Variants in FMN2 observed in about 807,000 individuals in gnomAD.
FMN2 encodes formin-2.
Under a neutral mutation model 142.3 loss-of-function variants are expected in FMN2, and 51 were observed. The ratio of observed to expected loss-of-function variants is 0.36; its 90% CI spans 0.29 to 0.45. The LOEUF (loss-of-function observed/expected upper bound fraction) is 0.45, where lower values mean the gene tolerates loss of function less well. FMN2 is among the 20% of genes least tolerant of loss of function. FMN2 has a pLI of 1.00. For synonymous variants in FMN2, 882 were observed against 869.8 expected (o/e 1.01, Z -0.25); for missense variants, 1,936 against 2,122.8 (o/e 0.91, Z 1.73).
intron 2 of FMN2, among the ~76,000 whole-genome samples, chr1:240,136,282 G>A (rs927605489): frequency 2.0e-5 from 3 of 152,082 alleles, no homozygotes; most frequent in Non-Finnish European, 2.9e-5. Flanking sequence ...GTGCATCGTT[G>A]CAAAAGTAGT....
chr1:240,290,582 G>A (rs955293778), intron 7 of FMN2, among the ~76,000 whole-genome samples: 11 of 151,962 alleles, frequency 7.2e-5, no homozygotes, highest in Non-Finnish European at 1.0e-4. Flanking sequence ...CACATGATAA[G>A]CATATGCTAT....
intron 6 of FMN2, among the ~76,000 whole-genome samples, chr1:240,212,148 T>G (rs2103404547): frequency 6.6e-6 from 1 of 152,320 alleles, no homozygotes; most frequent in Non-Finnish European, 1.5e-5. Flanking sequence ...GAGTTCCAGC[T>G]AATGGGGTGA....
intron 6 of FMN2, among the ~76,000 whole-genome samples, chr1:240,254,706 AGG>A (rs1668394358): frequency 1.6e-4 from 24 of 152,138 alleles, no homozygotes; most frequent in Admixed American, 1.2e-3. Context: ...CGGCTGCAAG[AGG>A]GGTGCCCCAT....
At chr1:240,350,882 G>A (rs1672075118) in intron 13 of FMN2, among the ~76,000 whole-genome samples, 1 of 152,194 alleles carries the variant, frequency 6.6e-6, no homozygotes, top group East Asian at 1.9e-4. Flanking sequence ...GGGAAGGGTT[G>A]GAGAAATGTG....
chr1:240,469,068 T>C (rs1355454176), intron 16 of FMN2, among the ~76,000 whole-genome samples: 2 of 152,008 alleles, frequency 1.3e-5, no homozygotes, highest in Non-Finnish European at 2.9e-5. Flanking sequence ...GTTGATGTGG[T>C]TTGGGTTTGC....
chr1:240,130,247 G>A (rs1346264388), intron 2 of FMN2, among the ~76,000 whole-genome samples: 1 of 152,138 alleles, frequency 6.6e-6, no homozygotes, highest in Non-Finnish European at 1.5e-5. Context: ...CAACCCCCAG[G>A]CCACTCAAAC....
intron 14 of FMN2, among the ~76,000 whole-genome samples, chr1:240,364,968 A>G (rs1159980215): frequency 6.6e-6 from 1 of 152,208 alleles, no homozygotes; most frequent in Non-Finnish European, 1.5e-5. Flanking sequence ...TCATTTCTCT[A>G]TGAATGAGTG....
intron 6 of FMN2, among the ~76,000 whole-genome samples, chr1:240,216,127 A>G (rs185450986): frequency 1.3e-5 from 2 of 152,346 alleles, no homozygotes; most frequent in East Asian, 3.9e-4. Context: ...CGTAAGCAGT[A>G]AAAGTAAGAG....
intron 2 of FMN2, among the ~76,000 whole-genome samples, chr1:240,150,806 A>C (rs1663733132): frequency 6.6e-6 from 1 of 152,188 alleles, no homozygotes; most frequent in Admixed American, 6.5e-5. Context: ...ATTGAGATCT[A>C]GGTATGATAA....
chr1:240,472,907 T>C (rs1420262126), intron 17 of FMN2, among the ~76,000 whole-genome samples: 1 of 143,594 alleles, frequency 7.0e-6, no homozygotes, highest in East Asian at 2.0e-4. Flanking sequence ...ATTGCAACAC[T>C]GCACTCCAGC....
chr1:240,392,458 AG>A, intron 14 of FMN2, 52 bp from the exon 15 acceptor site: 1 of 1,446,908 alleles, frequency 6.9e-7, no homozygotes, highest in Non-Finnish European at 9.7e-7. Context: ...TGCTTGAAAT[AG>A]TGTAACAACT....
chr1:240,281,027 C>T (rs1293498954), intron 7 of FMN2, among the ~76,000 whole-genome samples: 2 of 152,086 alleles, frequency 1.3e-5, no homozygotes, highest in African/African-American at 4.8e-5. Flanking sequence ...GACAAGACGG[C>T]GACATACTGA....
At chr1:240,465,300 C>CCTA (rs1676575806) in intron 16 of FMN2, among the ~76,000 whole-genome samples, 1 of 131,704 alleles carries the variant, frequency 7.6e-6, no homozygotes, top group Non-Finnish European at 1.6e-5. Context: ...CCTCTCTCCT[C>CCTA]CCCACACACT....
chr1:240,378,469 A>G (rs1673120609), intron 14 of FMN2, among the ~76,000 whole-genome samples: 1 of 152,138 alleles, frequency 6.6e-6, no homozygotes, highest in East Asian at 1.9e-4. Flanking sequence ...CTCTTTCTTG[A>G]GGTTAATTGG....
intron 4 of FMN2, among the ~76,000 whole-genome samples, chr1:240,198,832 C>T (rs948260702): frequency 7.2e-5 from 11 of 152,120 alleles, no homozygotes; most frequent in Admixed American, 3.3e-4. Flanking sequence ...GACAGCCTGG[C>T]GCGGTGGCTC....
rs74151658 is a variant in FMN2, at chr1:240,385,923, G to T, written c.4859-6588G>T. Among the ~76,000 whole-genome samples, 1,250 of 152,240 alleles carry T rather than the reference G, an allele frequency of 8.2e-3. 64 individuals carry two copies. The East Asian group carries it at 0.15, about 18-fold the overall frequency. On this transcript the variant is annotated intron_variant, in intron 14 of 17. Coordinates refer to ENST00000319653, the MANE Select transcript of FMN2 (RefSeq NM_020066.5). ...ATGTACAAAGTTGAAATAACCCTCA[G>T]TATTAAATAAAAGGTAGCTGTAAAT... is the stretch of plus-strand genomic sequence containing the variant.
intron 15 of FMN2, among the ~76,000 whole-genome samples, chr1:240,412,864 G>A (rs746273744): frequency 3.3e-5 from 5 of 151,986 alleles, no homozygotes; most frequent in Non-Finnish European, 7.4e-5. Context: ...GCTCATGCCT[G>A]TAAATCCCAG....
intron 11 of FMN2, among the ~76,000 whole-genome samples, chr1:240,332,626 TAATC>T (rs1454862677): frequency 2.6e-5 from 4 of 152,318 alleles, no homozygotes; most frequent in Admixed American, 6.5e-5. Flanking sequence ...TTAATTTAAA[TAATC>T]AAGAGGTAAT....
intron 16 of FMN2, among the ~76,000 whole-genome samples, chr1:240,457,075 G>A (rs1320550468): frequency 1.5e-5 from 1 of 65,262 alleles, no homozygotes; most frequent in Admixed American, 1.7e-4. Flanking sequence ...AGCTATGCCA[G>A]CACTGGTACT....
Sources: allele counts gnomAD v4.1 joint callset (sites outside exome capture counted in the v4.1 genomes callset), GRCh38; gene constraint gnomAD v4.1.1; transcripts MANE v1.5; gene names NCBI Gene and HGNC (gene_info 2026-07-23, HGNC 2026-07-21).